TASP1: variants seen among roughly 807,000 people sequenced by gnomAD.
The protein encoded by TASP1 is taspase 1.
Under a neutral mutation model 56.6 loss-of-function variants are expected in TASP1, and 16 were observed. The ratio of observed to expected loss-of-function variants is 0.28; its 90% CI spans 0.19 to 0.43. The LOEUF is 0.43. Among genes scored for constraint, TASP1 ranks in the 20% least tolerant of loss-of-function variants. The probability of loss-of-function intolerance (pLI) is 1.00; values close to 1 mark genes in which losing one functional copy is unlikely to be tolerated. For missense variants in TASP1, 393 were observed against 511.6 expected, an observed-to-expected ratio of 0.77 and a Z score of 2.24; for synonymous variants, 179 against 184.2, an observed-to-expected ratio of 0.97 and a Z score of 0.23.
the TASP1 span, chr20:13,221,791 G>T: frequency 6.9e-7 from 1 of 1,452,110 alleles, no homozygotes; most frequent in Non-Finnish European, 9.0e-7. Flanking sequence ...TGCGCCTGGC[G>T]GCCGAGCTGC....
intron 10 of TASP1, among the ~76,000 whole-genome samples, chr20:13,507,687 T>C (rs926879849): frequency 2.0e-5 from 3 of 152,192 alleles, no homozygotes; most frequent in African/African-American, 7.2e-5. Flanking sequence ...GTAATCCTTA[T>C]CAAAATTTCA....
At chr20:13,490,157 G>C (rs944745629) in intron 10 of TASP1, among the ~76,000 whole-genome samples, 1 of 152,056 alleles carries the variant, frequency 6.6e-6, no homozygotes, top group African/African-American at 2.4e-5. Context: ...TTTGATCTGA[G>C]AATATTTATT....
At chr20:13,291,111 T>C in the TASP1 span, among the ~76,000 whole-genome samples, 3 of 152,232 alleles carry the variant, frequency 2.0e-5, no homozygotes, top group Non-Finnish European at 4.4e-5. Context: ...AAGTGCCTTG[T>C]CAGGGGAAGG....
the TASP1 span, among the ~76,000 whole-genome samples, chr20:13,357,582 C>A: frequency 6.6e-6 from 1 of 152,268 alleles, no homozygotes; most frequent in African/African-American, 2.4e-5. Context: ...GCAAAAAAGT[C>A]TGGAGATTGC....
At chr20:13,471,824 A>T (rs888445436) in intron 11 of TASP1, among the ~76,000 whole-genome samples, 2 of 152,168 alleles carry the variant, frequency 1.3e-5, no homozygotes, top group Admixed American at 6.5e-5. Context: ...GACTACTCAG[A>T]AAGTGGGTGC....
Position 13,630,135 on chromosome 20 carries a change from T to A in TASP1, c.-57A>T. The A allele has an allele frequency of 6.4e-7, 1 of 1,567,160 alleles. No homozygotes were observed. Among genetic ancestry groups the A allele is most frequent in the Non-Finnish European group, 8.6e-7 (1 of 1,159,584 alleles). ...GGGCATACTTCCATCCAAAAGTAATTGCAGGAGAGGAATTACCCTAAAGGA... is the reference window on the plus strand; with the variant it reads ...GGGCATACTTCCATCCAAAAGTAATAGCAGGAGAGGAATTACCCTAAAGGA... On this transcript the variant is annotated 5_prime_UTR_variant, in exon 2 of 14. Transcript: ENST00000337743.
At chr20:13,308,069 A>G in the TASP1 span, among the ~76,000 whole-genome samples, 1 of 152,006 alleles carries the variant, frequency 6.6e-6, no homozygotes, top group Non-Finnish European at 1.5e-5. Context: ...GCCAATCTCA[A>G]TTTCACCCCC....
the TASP1 span, chr20:13,244,253 A>G: frequency 6.6e-6 from 1 of 152,302 alleles, no homozygotes; most frequent in Non-Finnish European, 1.5e-5. Context: ...AGGAGACTTG[A>G]TTCAAAACAG....
At chr20:13,315,111 A>T in the TASP1 span, among the ~76,000 whole-genome samples, 1 of 149,274 alleles carries the variant, frequency 6.7e-6, no homozygotes, top group Non-Finnish European at 1.5e-5. Flanking sequence ...AAGGCAGAAA[A>T]AGAATGGAAG....
the TASP1 span, among the ~76,000 whole-genome samples, chr20:13,185,292 A>G: frequency 1.3e-5 from 2 of 152,076 alleles, no homozygotes; most frequent in Non-Finnish European, 2.9e-5. Context: ...GCACTTCACA[A>G]TGATCACTAA....
intron 13 of TASP1, among the ~76,000 whole-genome samples, chr20:13,410,211 G>C (rs2042050941): frequency 6.6e-6 from 1 of 152,054 alleles, no homozygotes; most frequent in Non-Finnish European, 1.5e-5. Context: ...ACATTTTCTT[G>C]ATCCATTCAT....
At chr20:13,207,873 A>C in the TASP1 span, among the ~76,000 whole-genome samples, 2 of 152,262 alleles carry the variant, frequency 1.3e-5, no homozygotes, top group East Asian at 3.9e-4. Context: ...ACTAAGCCTA[A>C]TATCGATATA....
chr20:13,525,067 G>A (rs1244846283), intron 10 of TASP1, among the ~76,000 whole-genome samples: 1 of 152,146 alleles, frequency 6.6e-6, no homozygotes, highest in Non-Finnish European at 1.5e-5. Context: ...ATTAAGTGAT[G>A]AGAAGGCAGT....
At chr20:13,578,672 T>C (rs1210768158) in intron 6 of TASP1, among the ~76,000 whole-genome samples, 12 of 152,200 alleles carry the variant, frequency 7.9e-5, no homozygotes, top group Admixed American at 7.9e-4. Flanking sequence ...TTGCACTAGG[T>C]AGTCAATTGC....
At chr20:13,404,546 C>T (rs1004281695) in intron 13 of TASP1, among the ~76,000 whole-genome samples, 2 of 152,126 alleles carry the variant, frequency 1.3e-5, no homozygotes, top group South Asian at 2.1e-4. Flanking sequence ...TTTGAGGTTA[C>T]AGTGAGCTAT....
chr20:13,518,405 T>A (rs900952422), intron 10 of TASP1, among the ~76,000 whole-genome samples: 2 of 152,124 alleles, frequency 1.3e-5, no homozygotes, highest in Admixed American at 6.6e-5. Flanking sequence ...TATCTTCATG[T>A]ATCTTCTAAA....
At chr20:13,136,195 G>A in the TASP1 span, among the ~76,000 whole-genome samples, 1 of 151,940 alleles carries the variant, frequency 6.6e-6, no homozygotes, top group Non-Finnish European at 1.5e-5. Flanking sequence ...GCAGGGGAGG[G>A]GACAATGTGT....
At chr20:13,471,868 C>A (rs2044511295) in intron 11 of TASP1, among the ~76,000 whole-genome samples, 2 of 152,266 alleles carry the variant, frequency 1.3e-5, no homozygotes, top group South Asian at 2.1e-4. Context: ...CAGGGTGCGG[C>A]ATCGCCTCAT....
At chr20:13,202,535 C>T in the TASP1 span, among the ~76,000 whole-genome samples, 1 of 152,120 alleles carries the variant, frequency 6.6e-6, no homozygotes, top group Admixed American at 6.5e-5. Context: ...TTTAGCACAC[C>T]ATTCATGATT....
Sources: gnomAD v4.1 joint callset for allele counts (sites outside exome capture counted in the v4.1 genomes callset) on GRCh38, gnomAD v4.1.1 for gene constraint, MANE v1.5 for transcripts, NCBI Gene and HGNC (gene_info 2026-07-23, HGNC 2026-07-21) for gene names.